EYA2: variants seen among roughly 807,000 people sequenced by gnomAD.
EYA2 encodes the protein EYA transcriptional coactivator and phosphatase 2, also known as protein phosphatase EYA2.
EYA2 carries 31 observed loss-of-function variants against 69.2 expected under a neutral mutation model. The ratio of observed to expected loss-of-function variants is 0.45; its 90% CI spans 0.34 to 0.60. The LOEUF is 0.60. Among genes scored for constraint, EYA2 ranks in the 20% least tolerant of loss-of-function variants. EYA2 has a pLI of 0.02. For synonymous variants in EYA2, 257 were observed against 279.4 expected (o/e 0.92, Z 0.80); for missense variants, 622 against 701.2 (o/e 0.89, Z 1.28).
chr20:46,967,329 T>G, intron 1 of EYA2, among the ~76,000 whole-genome samples: 1 of 152,242 alleles, frequency 6.6e-6, no homozygotes, highest in East Asian at 1.9e-4. Flanking sequence ...TAGCCACATT[T>G]CAAGTCACCT....
At chr20:46,949,029 G>A (rs1244772222) in intron 1 of EYA2, among the ~76,000 whole-genome samples, 1 of 152,218 alleles carries the variant, frequency 6.6e-6, no homozygotes, top group East Asian at 1.9e-4. Context: ...TGAGGAAACT[G>A]CAGCTCAGAG....
intron 9 of EYA2, among the ~76,000 whole-genome samples, chr20:47,097,789 A>G (rs1194261815): frequency 2.6e-5 from 4 of 152,188 alleles, no homozygotes; most frequent in African/African-American, 4.8e-5. Context: ...AACCTTGTCA[A>G]TTATTTGGGT....
chr20:46,898,491 T>C (rs745372830), intron 1 of EYA2, among the ~76,000 whole-genome samples: 3 of 152,030 alleles, frequency 2.0e-5, no homozygotes, highest in African/African-American at 7.2e-5. Flanking sequence ...AACAGCTTCC[T>C]GAATGGCCCA....
chr20:47,134,611 G>A (rs2033417339), intron 9 of EYA2, among the ~76,000 whole-genome samples: 1 of 149,262 alleles, frequency 6.7e-6, no homozygotes, highest in Admixed American at 6.6e-5. Flanking sequence ...CACCCCAACT[G>A]GAATAGGTGT....
intron 5 of EYA2, among the ~76,000 whole-genome samples, chr20:47,064,541 C>A (rs976337851): frequency 6.6e-6 from 1 of 152,156 alleles, no homozygotes; most frequent in Non-Finnish European, 1.5e-5. Context: ...TTTGTATGTA[C>A]CTTTTTGAGG....
In EYA2 at chr20:47,166,403, A is replaced by T. The variant is rs1444252695; in HGVS notation, c.979-2736A>T. Among the ~76,000 whole-genome samples the T allele has an allele frequency of 2.5e-3, 310 of 122,574 alleles. 6 individuals are homozygous for T. The highest frequency in any genetic ancestry group is 0.012 in the African/African-American group (291 of 23,944). 80.4% of individuals were successfully genotyped at this position (122,574 alleles called of 152,430 possible). ...CAGAGCAAGACTGTCTAAAAAAAAA[A>T]AAAAAAAAAAAAAAAAAAAAAAAAA... On this transcript the variant is annotated intron_variant, in intron 10 of 15. Coordinates refer to ENST00000327619, the MANE Select transcript of EYA2 (RefSeq NM_005244.5).
chr20:47,183,052 GCCT>G (rs752334019), intron 14 of EYA2, among the ~76,000 whole-genome samples: 4 of 152,202 alleles, frequency 2.6e-5, no homozygotes, highest in Non-Finnish European at 4.4e-5. Context: ...CCCCTGCGCT[GCCT>G]CCTCCTGCTG....
chr20:46,947,689 G>T (rs1978544124), intron 1 of EYA2, among the ~76,000 whole-genome samples: 1 of 152,122 alleles, frequency 6.6e-6, no homozygotes, highest in South Asian at 2.1e-4. Flanking sequence ...GACAAGAGTG[G>T]TACTCACCAT....
chr20:47,150,153 G>A (rs2033794842), intron 10 of EYA2, among the ~76,000 whole-genome samples: 1 of 152,226 alleles, frequency 6.6e-6, no homozygotes, highest in African/African-American at 2.4e-5. Flanking sequence ...AGTGGCTGAG[G>A]TTGGAGGCAC....
chr20:46,960,444 T>A (rs368208659), intron 1 of EYA2, among the ~76,000 whole-genome samples: 66 of 152,202 alleles, frequency 4.3e-4, no homozygotes, highest in African/African-American at 1.5e-3. Context: ...ATGAATTGAT[T>A]TACTTAATCA....
intron 1 of EYA2, among the ~76,000 whole-genome samples, chr20:46,905,593 G>T (rs186785077): frequency 6.6e-6 from 1 of 152,292 alleles, no homozygotes; most frequent in Non-Finnish European, 1.5e-5. Context: ...GCCATTTCTT[G>T]CCAACCGGAA....
chr20:46,942,975 A>C (rs1986217907), intron 1 of EYA2, among the ~76,000 whole-genome samples: 1 of 152,194 alleles, frequency 6.6e-6, no homozygotes. Context: ...CATGTTGGCC[A>C]GGCTGCTCTC....
intron 10 of EYA2, among the ~76,000 whole-genome samples, chr20:47,156,235 A>G (rs4810618): frequency 0.18 from 23,917 of 136,182 alleles, 2,193 homozygotes; most frequent in African/African-American, 0.2. Context: ...TCGGGAGGCT[A>G]AGGCAGGAGA....
intron 9 of EYA2, among the ~76,000 whole-genome samples, chr20:47,127,354 A>C (rs2033218684): frequency 6.6e-6 from 1 of 152,226 alleles, no homozygotes; most frequent in South Asian, 2.1e-4. Flanking sequence ...TTGTAATCCC[A>C]GCACTTTGGA....
chr20:47,113,752 A>G (rs1287929571), intron 9 of EYA2, among the ~76,000 whole-genome samples: 1 of 152,158 alleles, frequency 6.6e-6, no homozygotes, highest in Non-Finnish European at 1.5e-5. Context: ...ACCCCTCCTT[A>G]AGGGAAACCC....
At chr20:46,994,279 G>T (rs1981873380) in intron 2 of EYA2, among the ~76,000 whole-genome samples, 1 of 152,188 alleles carries the variant, frequency 6.6e-6, no homozygotes, top group Non-Finnish European at 1.5e-5. Context: ...TTTGTTTGTA[G>T]GAACCACTTG....
At chr20:47,075,321 A>G (rs902786226) in intron 7 of EYA2, among the ~76,000 whole-genome samples, 1 of 152,226 alleles carries the variant, frequency 6.6e-6, no homozygotes, top group Non-Finnish European at 1.5e-5. Flanking sequence ...CAAATATCTC[A>G]TTACAAACTG....
intron 5 of EYA2, among the ~76,000 whole-genome samples, chr20:47,031,671 C>T (rs565632257): frequency 1.3e-5 from 2 of 152,292 alleles, no homozygotes; most frequent in African/African-American, 4.8e-5. Flanking sequence ...GCTTTTGTGT[C>T]ACTTGTTTCT....
chr20:47,121,663 A>C (rs2033048237), intron 9 of EYA2, among the ~76,000 whole-genome samples: 1 of 152,188 alleles, frequency 6.6e-6, no homozygotes, highest in Admixed American at 6.5e-5. Context: ...TTAAAAATAA[A>C]ATAAATCTCT....
Sources: allele counts gnomAD v4.1 joint callset (sites outside exome capture counted in the v4.1 genomes callset), GRCh38; gene constraint gnomAD v4.1.1; transcripts MANE v1.5; gene names NCBI Gene and HGNC (gene_info 2026-07-23, HGNC 2026-07-21).